OR1J1: variants seen among roughly 807,000 people sequenced by gnomAD.
OR1J1 encodes olfactory receptor 1J1.
For synonymous variants in OR1J1, 165 were observed against 157.2 expected, an observed-to-expected ratio of 1.05 and a Z score of -0.37; for missense variants, 392 against 393.9, an observed-to-expected ratio of 1.00 and a Z score of 0.04.
At position 122,477,413 on chromosome 9, in the gene OR1J1, G is replaced by C; in HGVS notation, c.514C>G (p.His172Asp). Residue 172 changes from histidine to aspartate, a missense_variant, in exon 1 of 1, where the codon CAC (histidine) becomes GAC (aspartate). Physicochemically the swap from His to Asp is moderately conservative, Grantham distance 81. Coordinates refer to ENST00000259357, the MANE Select transcript of OR1J1 (RefSeq NM_001004451.1). ...TCACAGAAGTAGTGAGGGATGATGT[G>C]GTCAGCACAGAAGGAAAGCTGGGCC... ...LLAQLSFCAD[H>D]IIPHYFCDLG... 1 of 1,613,944 alleles carries C rather than the reference G, an allele frequency of 6.2e-7. No homozygotes were observed. Among genetic ancestry groups the C allele is most frequent in the Non-Finnish European group, 8.5e-7 (1 of 1,179,964 alleles).
In OR1J1 at chr9:122,477,057, G is replaced by C. The variant is rs773553991; in HGVS notation, c.870C>G (p.Tyr290Ter). 1.2e-6 allele frequency: 2 copies of C among 1,614,024 alleles called. No homozygotes were observed. The highest frequency in any genetic ancestry group is 4.5e-5 in the East Asian group (2 of 44,884). ...AVTPMLNPFI[Y>*]SLRNKDIKGA... is the part of the protein sequence containing the mutation. ...CCTTAATGTCTTTATTTCTCAGACT[G>C]TAAATGAATGGGTTCAACATGGGAG... Residue 290 changes from tyrosine to a stop codon, truncating the protein, a stop_gained, in exon 1 of 1, where the codon TAC becomes TAG. Coordinates refer to ENST00000259357, the MANE Select transcript of OR1J1 (RefSeq NM_001004451.1). LOFTEE classifies it high-confidence loss of function.
chr9:122,476,970 A>C lies in OR1J1; in HGVS notation c.957T>G (p.Thr319=). 5 of 1,406,788 alleles carry C rather than the reference A, an allele frequency of 3.6e-6. No individual in the cohort carries two copies. The highest frequency in any genetic ancestry group is 5.0e-6 in the Non-Finnish European group (5 of 994,754). The allele number at this position is 1,406,788 out of a possible 1,614,324, so 87.1% of individuals were successfully genotyped here. A position where few individuals can be genotyped will look rare whatever the true frequency, so the allele number is the denominator to read the frequency against. Residue 319 remains threonine, a synonymous_variant, in exon 1 of 1, where the codon ACT becomes ACG. Transcript: ENST00000259357. ...TGATCCGTCTGCCTCAGCCTCCCAA[A>C]GTGTTGAGATTACAGGCATGAGCCA... ...GAVAHACNLN[T]LGG is the part of the protein sequence containing the mutation.
rs759216739 is a variant in OR1J1 at position 122,476,969 on chromosome 9, A to G, written c.958T>C (p.Leu320=). ...GTGATCCGTCTGCCTCAGCCTCCCAAAGTGTTGAGATTACAGGCATGAGCC... is the reference window on the plus strand; with the variant it reads ...GTGATCCGTCTGCCTCAGCCTCCCAGAGTGTTGAGATTACAGGCATGAGCC... The part of the protein sequence containing the change: ...AVAHACNLNT[L]GG Residue 320 remains leucine, a synonymous_variant, in exon 1 of 1, where the codon TTG becomes CTG. Transcript: ENST00000259357. The G allele has an allele frequency of 4.3e-6, 6 of 1,404,448 alleles. No homozygotes were observed. The highest frequency in any genetic ancestry group is 1.2e-5 in the South Asian group (1 of 86,278). 87.0% of individuals were successfully genotyped at this position (1,404,448 alleles called of 1,614,324 possible).
Position 122,477,157 on chromosome 9 carries a change from C to T in OR1J1, c.770G>A (p.Gly257Asp), listed in dbSNP as rs1247109130. The T allele has an allele frequency of 6.2e-7, 1 of 1,614,072 alleles. No individual in the cohort carries two copies. Among genetic ancestry groups the T allele is most frequent in the South Asian group, 1.1e-5 (1 of 91,086 alleles). ...GCTGGATGGGGGAAGAAAATAGAGACCAATAATTGTCCGATAATAGATAGT... is the reference window on the plus strand; with the variant it reads ...GCTGGATGGGGGAAGAAAATAGAGATCAATAATTGTCCGATAATAGATAGT... ...VVTIYYRTII[G>D]LYFLPPSSNT... The change falls in exon 1 of 1, where the codon GGT becomes GAT. Residue 257 changes from glycine to aspartate, a missense_variant. Coordinates refer to ENST00000259357, the MANE Select transcript of OR1J1 (RefSeq NM_001004451.1).
rs368504835 is a variant in OR1J1 at position 122,477,113 on chromosome 9, T to G, written c.814A>C (p.Ile272Leu). The G allele has an allele frequency of 5.6e-6, 9 of 1,613,988 alleles. No individual in the cohort carries two copies. Among genetic ancestry groups the G allele is most frequent in the Non-Finnish European group, 7.6e-6 (9 of 1,179,832 alleles). The change falls in exon 1 of 1, where the codon ATA (isoleucine) becomes CTA (leucine). Residue 272 changes from isoleucine (I) to leucine (L), a missense_variant. Ile to Leu is a conservative substitution (Grantham distance 5). Coordinates refer to ENST00000259357, the MANE Select transcript of OR1J1 (RefSeq NM_001004451.1). ...GCTGTGTATATCACTGAAGCAATTA[T>G]GTTCTTGTCATTGGTGTTGCTGGAT... The part of the protein sequence containing the change: ...PPSSNTNDKN[I>L]IASVIYTAVT...
chr9:122,477,378 G>A lies in OR1J1; in HGVS notation c.549C>T (p.Ala183=), dbSNP rs138400138. 48 of 1,614,038 alleles carry A rather than the reference G, an allele frequency of 3.0e-5. No homozygotes were observed. Among genetic ancestry groups the A allele is most frequent in the African/African-American group, 4.0e-5 (3 of 75,036 alleles). ...IIPHYFCDLG[A]LLKLSCSDTS... ...TGTCTGAGCAGGACAACTTGAGCAG[G>A]GCACCAAGGTCACAGAAGTAGTGAG... is the stretch of plus-strand genomic sequence containing the variant. The change falls in exon 1 of 1, where the codon GCC becomes GCT. Residue 183 remains alanine, a synonymous_variant. Transcript: ENST00000259357.
Position 122,477,074 on chromosome 9 carries a change from A to G in OR1J1, c.853T>C (p.Leu285=). 1 of 1,614,114 alleles carries G rather than the reference A, an allele frequency of 6.2e-7. No individual in the cohort carries two copies. The part of the protein sequence containing the change: ...SVIYTAVTPM[L]NPFIYSLRNK... The stretch of plus-strand genomic sequence containing the variant: ...CTCAGACTGTAAATGAATGGGTTCA[A>G]CATGGGAGTGACTGCTGTGTATATC... The change falls in exon 1 of 1, where the codon TTG becomes CTG. Residue 285 remains leucine, a synonymous_variant. Coordinates refer to ENST00000259357, the MANE Select transcript of OR1J1 (RefSeq NM_001004451.1).
chr9:122,477,759 G>T lies in OR1J1; in HGVS notation c.168C>A (p.His56Gln). 1 of 1,614,092 alleles carries T rather than the reference G, an allele frequency of 6.2e-7. No individual in the cohort carries two copies. The highest frequency in any genetic ancestry group is 1.3e-5 in the African/African-American group (1 of 75,038). Reference sequence around the variant, plus strand: ...GGCTAAGGAAGAAGTACATGGGGGTGTGAAGGTGAGAGTCTAGCTGGATGA... The same window carrying T: ...GGCTAAGGAAGAAGTACATGGGGGTTTGAAGGTGAGAGTCTAGCTGGATGA... Reference protein sequence around the residue: ...MLLIQLDSHLHTPMYFFLSHL... With the variant: ...MLLIQLDSHLQTPMYFFLSHL... Residue 56 changes from histidine to glutamine, a missense_variant, in exon 1 of 1, where the codon CAC becomes CAA. Physicochemically the swap from His to Gln is conservative, Grantham distance 24. Coordinates refer to ENST00000259357, the MANE Select transcript of OR1J1 (RefSeq NM_001004451.1).
Position 122,477,101 on chromosome 9 carries a change from C to T in OR1J1, c.826G>A (p.Val276Met), listed in dbSNP as rs1309766018. Residue 276 changes from valine to methionine, a missense_variant, in exon 1 of 1, where the codon GTG becomes ATG. Val to Met is a conservative substitution (Grantham distance 21). Transcript: ENST00000259357. ...ATGGGAGTGACTGCTGTGTATATCA[C>T]TGAAGCAATTATGTTCTTGTCATTG... ...NTNDKNIIAS[V>M]IYTAVTPMLN... 1.9e-6 allele frequency: 3 copies of T among 1,613,730 alleles called. No individual in the cohort carries two copies. The highest frequency in any genetic ancestry group is 2.7e-5 in the African/African-American group (2 of 74,916).
chr9:122,477,005 A>C lies in OR1J1; in HGVS notation c.922T>G (p.Ser308Ala). Residue 308 changes from serine to alanine, a missense_variant, in exon 1 of 1, where the codon TCA becomes GCA. Ser to Ala is a moderately conservative substitution (Grantham distance 99, BLOSUM62 1). Coordinates refer to ENST00000259357, the MANE Select transcript of OR1J1 (RefSeq NM_001004451.1). Reference protein sequence around the residue: ...KGALRKLLSRSGAVAHACNLN... With the variant: ...KGALRKLLSRAGAVAHACNLN... ...TTACAGGCATGAGCCACTGCGCCTG[A>C]CCTACTCAAGAGTTTTCTTAGGGCT... The C allele has an allele frequency of 6.2e-7, 1 of 1,607,002 alleles. No individual in the cohort carries two copies. The highest frequency in any genetic ancestry group is 8.5e-7 in the Non-Finnish European group (1 of 1,173,770).
chr9:122,477,052 A>C lies in OR1J1; in HGVS notation c.875T>G (p.Leu292Arg). The C allele has an allele frequency of 6.2e-7, 1 of 1,614,110 alleles. No homozygotes were observed. Among genetic ancestry groups the C allele is most frequent in the Non-Finnish European group, 8.5e-7 (1 of 1,179,960 alleles). The change falls in exon 1 of 1, where the codon CTG (leucine) becomes CGG (arginine). Residue 292 changes from leucine (L) to arginine (R), a missense_variant. Transcript: ENST00000259357. ...TPMLNPFIYS[L>R]RNKDIKGALR... ...GGCTCCCTTAATGTCTTTATTTCTC[A>C]GACTGTAAATGAATGGGTTCAACAT...
At position 122,477,221 on chromosome 9, in the gene OR1J1, T is replaced by C. The variant is rs1379900953; in HGVS notation, c.706A>G (p.Lys236Glu). 2 of 1,614,164 alleles carry C rather than the reference T, an allele frequency of 1.2e-6. No homozygotes were observed. The highest frequency in any genetic ancestry group is 1.7e-6 in the Non-Finnish European group (2 of 1,179,980). The part of the protein sequence containing the change: ...LQIPSTKGIC[K>E]ALSTCGSHLS... ...TGGGATCCACAAGTGGACAAGGCTT[T>C]GCATATGCCCTTGGTAGAGGGAATC... is the stretch of plus-strand genomic sequence containing the variant. Residue 236 changes from lysine to glutamate, a missense_variant, in exon 1 of 1, where the codon AAA becomes GAA. Transcript: ENST00000259357.
At position 122,477,278 on chromosome 9, in the gene OR1J1, A is replaced by G; in HGVS notation, c.649T>C (p.Ser217Pro). 6.2e-7 allele frequency: 1 copy of G among 1,614,170 alleles called. No homozygotes were observed. Among genetic ancestry groups the G allele is most frequent in the Non-Finnish European group, 8.5e-7 (1 of 1,180,010 alleles). The change falls in exon 1 of 1, where the codon TCT becomes CCT. Residue 217 changes from serine to proline, a missense_variant. Coordinates refer to ENST00000259357, the MANE Select transcript of OR1J1 (RefSeq NM_001004451.1). ...ATGGTGACCCCAATGTGACCATAAG[A>G]AACCAGGATGCACAGGAATGGAAGC... Reference protein sequence around the residue: ...IMLPFLCILVSYGHIGVTILQ... With the variant: ...IMLPFLCILVPYGHIGVTILQ...
Position 122,477,069 on chromosome 9 carries a change from G to C in OR1J1, c.858C>G (p.Asn286Lys), listed in dbSNP as rs752032972. 1 of 1,614,038 alleles carries C rather than the reference G, an allele frequency of 6.2e-7. No homozygotes were observed. Among genetic ancestry groups the C allele is most frequent in the Admixed American group, 1.7e-5 (1 of 60,024 alleles). Reference protein sequence around the residue: ...VIYTAVTPMLNPFIYSLRNKD... With the variant: ...VIYTAVTPMLKPFIYSLRNKD... ...TATTTCTCAGACTGTAAATGAATGG[G>C]TTCAACATGGGAGTGACTGCTGTGT... The change falls in exon 1 of 1, where the codon AAC (asparagine) becomes AAG (lysine). Residue 286 changes from asparagine (N) to lysine (K), a missense_variant. By Grantham distance (94) the Asn-to-Lys change is moderately conservative. Transcript: ENST00000259357.
Position 122,477,006 on chromosome 9 carries a change from C to T in OR1J1, c.921G>A (p.Arg307=). 1 of 1,608,530 alleles carries T rather than the reference C, an allele frequency of 6.2e-7. No individual in the cohort carries two copies. The highest frequency in any genetic ancestry group is 8.5e-7 in the Non-Finnish European group (1 of 1,175,054). ...TACAGGCATGAGCCACTGCGCCTGA[C>T]CTACTCAAGAGTTTTCTTAGGGCTC... ...IKGALRKLLS[R]SGAVAHACNL... is the part of the protein sequence containing the mutation. Residue 307 remains arginine, a synonymous_variant, in exon 1 of 1, where the codon AGG becomes AGA. Transcript: ENST00000259357.
chr9:122,477,042 T>C lies in OR1J1; in HGVS notation c.885A>G (p.Lys295=), dbSNP rs760122036. 1.9e-6 allele frequency: 3 copies of C among 1,614,098 alleles called. No individual in the cohort carries two copies. The highest frequency in any genetic ancestry group is 2.5e-6 in the Non-Finnish European group (3 of 1,179,938). Residue 295 remains lysine (K), a synonymous_variant, in exon 1 of 1, where the codon AAA becomes AAG. Coordinates refer to ENST00000259357, the MANE Select transcript of OR1J1 (RefSeq NM_001004451.1). ...GTTTTCTTAGGGCTCCCTTAATGTC[T>C]TTATTTCTCAGACTGTAAATGAATG... The part of the protein sequence containing the change: ...LNPFIYSLRN[K]DIKGALRKLL...
rs765333691 is a variant in OR1J1 at position 122,477,285 on chromosome 9, G to A, written c.642C>T (p.Ile214=). 1 of 1,614,178 alleles carries A rather than the reference G, an allele frequency of 6.2e-7. No individual in the cohort carries two copies. The highest frequency in any genetic ancestry group is 1.1e-5 in the South Asian group (1 of 91,084). The change falls in exon 1 of 1, where the codon ATC becomes ATT. Residue 214 remains isoleucine, a synonymous_variant. Coordinates refer to ENST00000259357, the MANE Select transcript of OR1J1 (RefSeq NM_001004451.1). ...CCCCAATGTGACCATAAGAAACCAG[G>A]ATGCACAGGAATGGAAGCATAATGG... The part of the protein sequence containing the change: ...LTAIMLPFLC[I]LVSYGHIGVT...
Position 122,477,436 on chromosome 9 carries a change from G to T in OR1J1, c.491C>A (p.Ala164Asp). Residue 164 changes from alanine to aspartate, a missense_variant, in exon 1 of 1, where the codon GCC (alanine) becomes GAC (aspartate). Coordinates refer to ENST00000259357, the MANE Select transcript of OR1J1 (RefSeq NM_001004451.1). Reference protein sequence around the residue: ...ACALLHTLLLAQLSFCADHII... With the variant: ...ACALLHTLLLDQLSFCADHII... ...GTGGTCAGCACAGAAGGAAAGCTGG[G>T]CCAGGAGGAGGGTATGCAAAAGAGC... 6.2e-7 allele frequency: 1 copy of T among 1,614,012 alleles called. No individual in the cohort carries two copies. The highest frequency in any genetic ancestry group is 8.5e-7 in the Non-Finnish European group (1 of 1,179,960).
rs1420365312 is a variant in OR1J1 at position 122,477,300 on chromosome 9, A to G, written c.627T>C (p.Leu209=). The change falls in exon 1 of 1, where the codon CTT becomes CTC. Residue 209 remains leucine (L), a synonymous_variant. Coordinates refer to ENST00000259357, the MANE Select transcript of OR1J1 (RefSeq NM_001004451.1). The stretch of plus-strand genomic sequence containing the variant: ...AAGAAACCAGGATGCACAGGAATGG[A>G]AGCATAATGGCTGTCAATGCTGCTG... The part of the protein sequence containing the change: ...IFTAALTAIM[L]PFLCILVSYG... 6.2e-7 allele frequency: 1 copy of G among 1,614,056 alleles called. No individual in the cohort carries two copies. Among genetic ancestry groups the G allele is most frequent in the Non-Finnish European group, 8.5e-7 (1 of 1,180,012 alleles).
Sources: allele counts gnomAD v4.1 joint callset, GRCh38; gene constraint gnomAD v4.1.1; transcripts MANE v1.5; gene names NCBI Gene and HGNC (gene_info 2026-07-23, HGNC 2026-07-21).